Variants in DBF4B observed in about 807,000 individuals in gnomAD.
DBF4B encodes the protein DBF4B-CDC7 kinase regulatory subunit.
DBF4B carries 49 observed loss-of-function variants against 53.4 expected under a neutral mutation model. The ratio of observed to expected loss-of-function variants is 0.92; its 90% CI spans 0.73 to 1.16. The LOEUF (loss-of-function observed/expected upper bound fraction) is 1.16, where lower values mean the gene tolerates loss of function less well. Among genes scored for constraint, DBF4B ranks in the 50% most tolerant of loss-of-function variants. The pLI is 0.00. For missense variants in DBF4B, 692 were observed against 775.0 expected, an observed-to-expected ratio of 0.89 and a Z score of 1.27; for synonymous variants, 257 against 288.7, an observed-to-expected ratio of 0.89 and a Z score of 1.11.
chr17:44,747,686 A>C (rs1411632739), intron 12 of DBF4B, among the ~76,000 whole-genome samples, 171 bp downstream of exon 12: 1 of 152,124 alleles, frequency 6.6e-6, no homozygotes, highest in South Asian at 2.1e-4. Flanking sequence ...GCTGGCCAAA[A>C]AAAATAAAAA....
rs766565884 is a variant in DBF4B, at chr17:44,750,890, C to T, written c.1485C>T (p.Leu495=). 6 of 1,614,232 alleles carry T rather than the reference C, an allele frequency of 3.7e-6. No individual in the cohort carries two copies. Among genetic ancestry groups the T allele is most frequent in the East Asian group, 4.5e-5 (2 of 44,878 alleles). The part of the protein sequence containing the change: ...PADIPVKGPL[L]FPEARPWLMS... The stretch of plus-strand genomic sequence containing the variant: ...ACATTCCTGTTAAGGGCCCACTCCT[C>T]TTCCCTGAAGCCAGACCGTGGCTTA... The change falls in exon 14 of 14, where the codon CTC becomes CTT. Residue 495 remains leucine (L), a synonymous_variant. Transcript: ENST00000315005.
At chr17:44,739,115 A>G (rs1375657630) in intron 9 of DBF4B, among the ~76,000 whole-genome samples, 1 of 152,174 alleles carries the variant, frequency 6.6e-6, no homozygotes, top group Non-Finnish European at 1.5e-5. Context: ...GTCCACCATT[A>G]TGATCTCCTC....
Position 44,749,001 on chromosome 17 carries a change from G to A in DBF4B, c.1189+536G>A, listed in dbSNP as rs2049194846. The A allele has an allele frequency of 3.3e-5, 42 of 1,289,852 alleles. No individual in the cohort carries two copies. Among genetic ancestry groups the A allele is most frequent in the Non-Finnish European group, 4.2e-5 (42 of 988,860 alleles). 79.9% of individuals were successfully genotyped at this position (1,289,852 alleles called of 1,614,324 possible). ...GGCTGGGGAAAGGGTGGCCCCCAGG[G>A]CCTGAGGATTCTGAGTGTACAGCCA... On this transcript the variant is annotated intron_variant, in intron 13 of 13. Transcript: ENST00000315005. This position sits in a 1 kb window ranked among gnomAD's most constrained non-coding sequence, Gnocchi z 4.4.
chr17:44,746,252 A>G (rs1976590404), intron 10 of DBF4B, among the ~76,000 whole-genome samples: 1 of 147,462 alleles, frequency 6.8e-6, no homozygotes. Flanking sequence ...AAAAAAAAAG[A>G]AGTCAGGTTT....
intron 2 of DBF4B, among the ~76,000 whole-genome samples, chr17:44,717,864 A>T (rs771006088): frequency 5.9e-5 from 9 of 151,946 alleles, no homozygotes; most frequent in Non-Finnish European, 1.3e-4. Flanking sequence ...AAAATCAAAA[A>T]AATTCGCCAG....
chr17:44,743,095 C>T (rs1346092740), intron 10 of DBF4B, among the ~76,000 whole-genome samples: 2 of 152,190 alleles, frequency 1.3e-5, no homozygotes, highest in African/African-American at 4.8e-5. Flanking sequence ...AGTCCCAATA[C>T]AAGGGATACC....
At chr17:44,748,703 G>A (rs1360285305) in intron 13 of DBF4B, 12 of 1,410,562 alleles carry the variant, frequency 8.5e-6, no homozygotes, top group East Asian at 3.5e-5. Flanking sequence ...GGCCACAAGC[G>A]GAAGGTTCAG....
Position 44,722,953 on chromosome 17 carries a change from C to T in DBF4B, c.156C>T (p.Ser52=). ...GARKHPFSGK[S]FYLDLPAGKN... ...GGAAGCATCCCTTTTCCGGAAAGTC[C>T]TTTTACTTGGATCTGCCTGCTGGCA... Residue 52 remains serine (S), a synonymous_variant, in exon 3 of 14, where the codon TCC becomes TCT. Coordinates refer to ENST00000315005, the MANE Select transcript of DBF4B (RefSeq NM_145663.3). The T allele has an allele frequency of 6.2e-7, 1 of 1,614,176 alleles. No individual in the cohort carries two copies. Among genetic ancestry groups the T allele is most frequent in the Non-Finnish European group, 8.5e-7 (1 of 1,180,030 alleles).
At chr17:44,728,928 C>G (rs1334995572) in intron 3 of DBF4B, among the ~76,000 whole-genome samples, 1 of 152,030 alleles carries the variant, frequency 6.6e-6, no homozygotes, top group Non-Finnish European at 1.5e-5. Context: ...GAAACCCCAT[C>G]TCTTCTAAAA....
At chr17:44,741,313 A>T (rs753089556) in intron 9 of DBF4B, 23 bp from the exon 10 acceptor site, 1 of 1,553,296 alleles carries the variant, frequency 6.4e-7, no homozygotes, top group Non-Finnish European at 8.9e-7. Context: ...TTGTAGTCAA[A>T]GTGGAAGTTT....
At chr17:44,736,148 A>ATTTT (rs61077434) in intron 7 of DBF4B, among the ~76,000 whole-genome samples, 7 of 139,844 alleles carry the variant, frequency 5.0e-5, no homozygotes, top group Non-Finnish European at 9.4e-5. Flanking sequence ...TGCCTGGCTA[A>ATTTT]TTTTTTTTTT....
At chr17:44,747,774 G>A (rs1196388403) in intron 12 of DBF4B, among the ~76,000 whole-genome samples, 2 of 152,212 alleles carry the variant, frequency 1.3e-5, no homozygotes, top group Non-Finnish European at 2.9e-5. Context: ...CACAGGCTTT[G>A]ATGTGGTTGA....
chr17:44,729,802 T>C, intron 3 of DBF4B, 103 bp from the exon 4 acceptor site: 1 of 1,266,112 alleles, frequency 7.9e-7, no homozygotes, highest in Non-Finnish European at 1.1e-6. Context: ...AAGACATTGA[T>C]TCTGGAACTC....
intron 9 of DBF4B, among the ~76,000 whole-genome samples, chr17:44,740,923 C>G (rs1975945659): frequency 6.6e-6 from 1 of 152,112 alleles, no homozygotes; most frequent in South Asian, 2.1e-4. Flanking sequence ...ATCACAAGGT[C>G]AGGAGATCGA....
intron 7 of DBF4B, 111 bp downstream of exon 7, chr17:44,734,274 A>G: frequency 7.4e-7 from 1 of 1,357,720 alleles, no homozygotes; most frequent in East Asian, 2.3e-5. Context: ...CCATTCTGAA[A>G]GATGGAAGAG....
chr17:44,748,625 C>T, intron 13 of DBF4B, 160 bp downstream of exon 13: 1 of 1,512,452 alleles, frequency 6.6e-7, no homozygotes, highest in Non-Finnish European at 8.9e-7. Flanking sequence ...AGGAGCCCTG[C>T]TTGCCAATGC....
chr17:44,752,061 C>A lies in DBF4B; in HGVS notation c.*808C>A. ...TCTTGCCTCTTCTCGCTGAGCCTTT[C>A]ACTTCTCGGCAGATGTGACCGATTG... is the stretch of plus-strand genomic sequence containing the variant. On this transcript the variant is annotated 3_prime_UTR_variant, in exon 14 of 14. Coordinates refer to ENST00000315005, the MANE Select transcript of DBF4B (RefSeq NM_145663.3). The A allele has an allele frequency of 7.1e-7, 1 of 1,409,202 alleles. No homozygotes were observed. Among genetic ancestry groups the A allele is most frequent in the South Asian group, 1.2e-5 (1 of 81,232 alleles). The allele number at this position is 1,409,202 out of a possible 1,614,324, so 87.3% of individuals were successfully genotyped here.
Position 44,749,305 on chromosome 17 carries a change from C to T in DBF4B, c.1189+840C>T. 1.6e-6 allele frequency: 2 copies of T among 1,290,276 alleles called. No homozygotes were observed. Among genetic ancestry groups the T allele is most frequent in the Non-Finnish European group, 2.0e-6 (2 of 988,870 alleles). 79.9% of individuals were successfully genotyped at this position (1,290,276 alleles called of 1,614,324 possible). A position where few individuals can be genotyped will look rare whatever the true frequency, so the allele number is the denominator to read the frequency against. ...CCAGCCCCATGCTGGCAGAGAGCTGCTCCTACGAGTCCCCAAGGTGCTTGG... is the reference window on the plus strand; with the variant it reads ...CCAGCCCCATGCTGGCAGAGAGCTGTTCCTACGAGTCCCCAAGGTGCTTGG... On this transcript the variant is annotated intron_variant, in intron 13 of 13. Transcript: ENST00000315005. The surrounding 1 kb of genome is among the most constrained non-coding windows in gnomAD (Gnocchi z 4.4).
At chr17:44,750,267 A>C in intron 13 of DBF4B, 1 of 1,067,982 alleles carries the variant, frequency 9.4e-7, no homozygotes. Flanking sequence ...CTTTCATTAC[A>C]ATTTGTACCG....
Sources: allele counts gnomAD v4.1 joint callset (sites outside exome capture counted in the v4.1 genomes callset), GRCh38; gene constraint gnomAD v4.1.1; non-coding constraint Gnocchi (gnomAD v3.1); transcripts MANE v1.5; gene names NCBI Gene and HGNC (gene_info 2026-07-23, HGNC 2026-07-21).